AJAP1: variants seen among roughly 807,000 people sequenced by gnomAD.
AJAP1 encodes adherens junctions associated protein 1, also known as adherens junction-associated protein 1.
In AJAP1, 5 loss-of-function variants were observed where a neutral mutation model predicts 35.0. That is an observed-to-expected ratio of 0.14 (90% CI 0.07 to 0.30). The LOEUF is 0.30. Among genes scored for constraint, AJAP1 ranks in the 10% least tolerant of loss-of-function variants. The pLI is 1.00. For synonymous variants in AJAP1, 284 were observed against 249.3 expected, an observed-to-expected ratio of 1.14 and a Z score of -1.31; for missense variants, 586 against 571.0, an observed-to-expected ratio of 1.03 and a Z score of -0.27.
chr1:4,762,516 G>A (rs1036339399), intron 2 of AJAP1, among the ~76,000 whole-genome samples: 3 of 152,218 alleles, frequency 2.0e-5, no homozygotes, highest in Non-Finnish European at 2.9e-5. Flanking sequence ...GAGCTTCCCC[G>A]ATATTTCATG....
intron 2 of AJAP1, among the ~76,000 whole-genome samples, chr1:4,718,101 T>C (rs1335375380): frequency 2.0e-5 from 3 of 152,074 alleles, no homozygotes; most frequent in Non-Finnish European, 4.4e-5. Flanking sequence ...ATCTTCTGAA[T>C]GGATGCAGCG....
chr1:4,737,844 G>A (rs925278874), intron 2 of AJAP1, among the ~76,000 whole-genome samples: 1 of 152,188 alleles, frequency 6.6e-6, no homozygotes, highest in Non-Finnish European at 1.5e-5. Flanking sequence ...TGAGGCTGCC[G>A]TGAACCATGA....
intron 4 of AJAP1, among the ~76,000 whole-genome samples, chr1:4,774,175 A>G (rs1020428173): frequency 1.3e-5 from 2 of 152,226 alleles, no homozygotes; most frequent in Non-Finnish European, 2.9e-5. Context: ...CCTGTGCAGC[A>G]AAGTGCTCGT....
chr1:4,750,083 T>A (rs536355519), intron 2 of AJAP1, among the ~76,000 whole-genome samples: 1 of 152,212 alleles, frequency 6.6e-6, no homozygotes, highest in Admixed American at 6.5e-5. Flanking sequence ...TCTGGTTGTG[T>A]TTGGGTCAGT....
intron 1 of AJAP1, among the ~76,000 whole-genome samples, chr1:4,688,798 G>GGATCGT (rs1639667346): frequency 6.8e-6 from 1 of 147,540 alleles, no homozygotes. Flanking sequence ...AAAAAAGAAA[G>GGATCGT]GATCGTGATG....
At chr1:4,660,013 G>A (rs769749148) in intron 1 of AJAP1, among the ~76,000 whole-genome samples, 2 of 152,142 alleles carry the variant, frequency 1.3e-5, no homozygotes, top group Non-Finnish European at 2.9e-5. Flanking sequence ...AAGCTGCCCC[G>A]AGCTGCTACT....
rs78250331 is a variant in AJAP1 at position 4,712,656 on chromosome 1, C to T, written c.786C>T (p.Asn262=). The change falls in exon 2 of 6, where the codon AAC becomes AAT. Residue 262 remains asparagine, a synonymous_variant. Transcript: ENST00000378191. The part of the protein sequence containing the change: ...TTEPSTSPSN[N]GEVTQPPRIL... ...AGCCTTCCACCAGTCCCAGCAACAA[C>T]GGGGAAGTCACCCAGCCCCCAAGGA... 0.01 allele frequency: 15,649 copies of T among 1,537,354 alleles called. 646 individuals are homozygous for T. The East Asian group carries it at 0.12, about 11-fold the overall frequency.
chr1:4,707,925 G>T (rs959134247), intron 1 of AJAP1, among the ~76,000 whole-genome samples: 2 of 148,864 alleles, frequency 1.3e-5, no homozygotes, highest in Admixed American at 1.3e-4. Flanking sequence ...CTGTCTTTCT[G>T]CTTGTAGCTC....
At chr1:4,763,354 G>C (rs562547581) in intron 2 of AJAP1, among the ~76,000 whole-genome samples, 2 of 152,302 alleles carry the variant, frequency 1.3e-5, no homozygotes, top group African/African-American at 4.8e-5. Flanking sequence ...CATTTCCTTA[G>C]GGGGAGTTCT....
intron 2 of AJAP1, among the ~76,000 whole-genome samples, chr1:4,755,532 G>GCCCCCA: frequency 6.6e-6 from 1 of 152,016 alleles, no homozygotes; most frequent in Non-Finnish European, 1.5e-5. Flanking sequence ...AGATTAAGCT[G>GCCCCCA]CCCCCACCCC....
chr1:4,717,359 C>A (rs751452143), intron 2 of AJAP1, among the ~76,000 whole-genome samples: 3 of 152,192 alleles, frequency 2.0e-5, no homozygotes, highest in African/African-American at 4.8e-5. Flanking sequence ...CCTGCTCAGG[C>A]CAATCCGCTG....
intron 1 of AJAP1, among the ~76,000 whole-genome samples, chr1:4,689,701 T>C (rs1235516523): frequency 6.6e-6 from 1 of 152,222 alleles, no homozygotes; most frequent in African/African-American, 2.4e-5. Flanking sequence ...CCAGGAGTCA[T>C]GAGCATCCGG....
At chr1:4,749,097 C>T (rs755967355) in intron 2 of AJAP1, among the ~76,000 whole-genome samples, 11 of 152,180 alleles carry the variant, frequency 7.2e-5, no homozygotes, top group African/African-American at 2.4e-4. Context: ...CAGTCCAGTT[C>T]GCAGTGCCCA....
chr1:4,712,814 T>C (rs1640295741), intron 2 of AJAP1, 115 bp downstream of exon 2: 1 of 1,150,624 alleles, frequency 8.7e-7, no homozygotes, highest in Non-Finnish European at 1.2e-6. Context: ...CTCCAGGAGA[T>C]GCAGGCGTGA....
chr1:4,712,372 G>A lies in AJAP1; in HGVS notation c.502G>A (p.Asp168Asn). ...HLQGDGLSSF[D>N]SRGSRPTTET... ...GCAGGGGGACGGTCTCAGCAGCTTCGACTCCAGAGGCAGCCGGCCCACCAC... is the reference window on the plus strand; with the variant it reads ...GCAGGGGGACGGTCTCAGCAGCTTCAACTCCAGAGGCAGCCGGCCCACCAC... Residue 168 changes from aspartate (D) to asparagine (N), a missense_variant, in exon 2 of 6, where the codon GAC becomes AAC. Asp to Asn is a conservative substitution (Grantham distance 23). Coordinates refer to ENST00000378191, the MANE Select transcript of AJAP1 (RefSeq NM_018836.4). 6.5e-7 allele frequency: 1 copy of A among 1,534,730 alleles called. No homozygotes were observed. The highest frequency in any genetic ancestry group is 8.8e-7 in the Non-Finnish European group (1 of 1,138,746).
At position 4,772,267 on chromosome 1, in the gene AJAP1, C is replaced by G. The variant is rs1641851516; in HGVS notation, c.918-13C>G. 2 of 1,613,578 alleles carry G rather than the reference C, an allele frequency of 1.2e-6. No homozygotes were observed. Among genetic ancestry groups the G allele is most frequent in the Non-Finnish European group, 1.7e-6 (2 of 1,179,690 alleles). Reference sequence around the variant, plus strand: ...TCTGCCCGTCCCCCTACCCCAAACTCTTTCTCTTCCAGCTGTGCCCAAAGC... The same window carrying G: ...TCTGCCCGTCCCCCTACCCCAAACTGTTTCTCTTCCAGCTGTGCCCAAAGC... On this transcript the variant is annotated splice_polypyrimidine_tract_variant and intron_variant, in intron 3 of 5. Transcript: ENST00000378191.
At chr1:4,679,543 T>C (rs1225546484) in intron 1 of AJAP1, among the ~76,000 whole-genome samples, 1 of 152,140 alleles carries the variant, frequency 6.6e-6, no homozygotes, top group Non-Finnish European at 1.5e-5. Context: ...ATATATTACC[T>C]CATAGTTCTG....
intron 2 of AJAP1, among the ~76,000 whole-genome samples, chr1:4,749,388 A>G (rs1376192750): frequency 2.6e-5 from 4 of 152,086 alleles, no homozygotes; most frequent in African/African-American, 9.7e-5. Context: ...CGTTCCTTCC[A>G]CTGACCCTGT....
At chr1:4,780,693 G>A (rs1642042883) in intron 5 of AJAP1, among the ~76,000 whole-genome samples, 2 of 145,346 alleles carry the variant, frequency 1.4e-5, no homozygotes, top group Non-Finnish European at 3.0e-5. Context: ...GTGTAGTGGT[G>A]CCATCTCGGC....
Sources: allele counts gnomAD v4.1 joint callset (sites outside exome capture counted in the v4.1 genomes callset), GRCh38; gene constraint gnomAD v4.1.1; transcripts MANE v1.5; gene names NCBI Gene and HGNC (gene_info 2026-07-23, HGNC 2026-07-21).